Variants in LRRC66 observed in about 807,000 individuals in gnomAD.
LRRC66 encodes the protein leucine-rich repeat-containing protein 66.
LRRC66 carries 29 observed loss-of-function variants against 24.6 expected under a neutral mutation model. The observed-to-expected ratio is 1.18, with a 90% CI of 0.88 to 1.61. The LOEUF (loss-of-function observed/expected upper bound fraction) is 1.61, where lower values mean the gene tolerates loss of function less well. Among genes scored for constraint, LRRC66 ranks in the 40% most tolerant of loss-of-function variants. The probability of loss-of-function intolerance (pLI) is 0.00; values close to 1 mark genes in which losing one functional copy is unlikely to be tolerated. For missense variants in LRRC66, 1,124 were observed against 1,058.0 expected, an observed-to-expected ratio of 1.06 and a Z score of -0.87; for synonymous variants, 411 against 397.6, an observed-to-expected ratio of 1.03 and a Z score of -0.40.
intron 2 of LRRC66, among the ~76,000 whole-genome samples, chr4:52,011,863 T>C (rs1736712404): frequency 6.6e-6 from 1 of 152,058 alleles, no homozygotes; most frequent in African/African-American, 2.4e-5. Flanking sequence ...AACAAGTAAA[T>C]AGTGTAATAT....
intron 2 of LRRC66, among the ~76,000 whole-genome samples, chr4:52,004,302 C>T (rs1736526649): frequency 6.6e-6 from 1 of 152,332 alleles, no homozygotes; most frequent in Non-Finnish European, 1.5e-5. Flanking sequence ...GCCGCCACAC[C>T]CGGTTGTCTT....
At position 51,994,806 on chromosome 4, in the gene LRRC66, C is replaced by T; in HGVS notation, c.2216G>A (p.Ser739Asn). 6.2e-7 allele frequency: 1 copy of T among 1,614,214 alleles called. No individual in the cohort carries two copies. The highest frequency in any genetic ancestry group is 8.5e-7 in the Non-Finnish European group (1 of 1,180,028). ...VPDEESLQDE[S>N]SGASKDNVTA... ...CACATTGTCCTTGCTTGCCCCTGAG[C>T]TCTCGTCCTGCAGGGACTCCTCATC... Residue 739 changes from serine (S) to asparagine (N), a missense_variant, in exon 5 of 5, where the codon AGC (serine) becomes AAC (asparagine). Ser to Asn is a conservative substitution (Grantham distance 46). Coordinates refer to ENST00000682860, the MANE Select transcript of LRRC66 (RefSeq NM_001024611.3).
At chr4:52,001,821 C>T (rs1736453967) in intron 3 of LRRC66, among the ~76,000 whole-genome samples, 1 of 152,194 alleles carries the variant, frequency 6.6e-6, no homozygotes. Flanking sequence ...GGAGGCTTAT[C>T]TTGCAGCTAT....
intron 3 of LRRC66, 122 bp downstream of exon 3, chr4:52,003,095 TAGACTA>T: frequency 2.8e-6 from 2 of 709,258 alleles, no homozygotes; most frequent in Non-Finnish European, 4.4e-6. Context: ...GATCTTAAAA[TAGACTA>T]ACAGTTTTTG....
chr4:52,006,189 T>C (rs1578115511), intron 2 of LRRC66, among the ~76,000 whole-genome samples: 2 of 152,202 alleles, frequency 1.3e-5, no homozygotes, highest in South Asian at 4.2e-4. Flanking sequence ...GACCCAGCCA[T>C]CCCATTACTG....
At chr4:52,017,797 C>T in intron 1 of LRRC66, 179 bp from the exon 2 acceptor site, 1 of 985,236 alleles carries the variant, frequency 1.0e-6, no homozygotes, top group Non-Finnish European at 1.2e-6. Flanking sequence ...AATGAAATAG[C>T]CATAGTATAA....
chr4:52,000,576 A>C (rs945632670), intron 3 of LRRC66, among the ~76,000 whole-genome samples: 2 of 152,202 alleles, frequency 1.3e-5, no homozygotes, highest in Admixed American at 6.5e-5. Flanking sequence ...AAGAATTATA[A>C]TGTTCTTGCT....
In LRRC66 at chr4:51,995,432, C is replaced by T. The variant is rs1347436588; in HGVS notation, c.1590G>A (p.Arg530=). The change falls in exon 5 of 5, where the codon AGG becomes AGA. Residue 530 remains arginine (R), a synonymous_variant. Coordinates refer to ENST00000682860, the MANE Select transcript of LRRC66 (RefSeq NM_001024611.3). ...LMSAAQDHIH[R]NDILGEWTYE... is the part of the protein sequence containing the mutation. ...AAGTCCATTCTCCGAGAATATCATT[C>T]CTATGGATGTGGTCCTGCGCTGCTG... is the stretch of plus-strand genomic sequence containing the variant. 1.2e-6 allele frequency: 2 copies of T among 1,614,032 alleles called. No homozygotes were observed. Among genetic ancestry groups the T allele is most frequent in the African/African-American group, 1.3e-5 (1 of 74,918 alleles).
intron 3 of LRRC66, 51 bp from the exon 4 acceptor site, chr4:51,997,988 A>G: frequency 1.3e-6 from 2 of 1,484,670 alleles, no homozygotes; most frequent in South Asian, 1.2e-5. Context: ...AGACATTTAC[A>G]GATAAAATAA....
Position 51,994,851 on chromosome 4 carries a change from T to A in LRRC66, c.2171A>T (p.Lys724Met). The A allele has an allele frequency of 6.2e-7, 1 of 1,614,234 alleles. No individual in the cohort carries two copies. The highest frequency in any genetic ancestry group is 8.5e-7 in the Non-Finnish European group (1 of 1,180,050). ...CTCATCAGGCACTGCCTCTTCAGTC[T>A]TGCTCCTTGCACTCTCTGAACTTAT... ...SSISSESARSKTEEAVPDEES... is the reference protein window; with the variant it reads ...SSISSESARSMTEEAVPDEES... The change falls in exon 5 of 5, where the codon AAG becomes ATG. Residue 724 changes from lysine (K) to methionine (M), a missense_variant. Physicochemically the swap from Lys to Met is moderately conservative, Grantham distance 95 (BLOSUM62 -1). Coordinates refer to ENST00000682860, the MANE Select transcript of LRRC66 (RefSeq NM_001024611.3).
rs777013005 is a variant in LRRC66, at chr4:51,995,291, G to T, written c.1731C>A (p.Asp577Glu). 5.0e-6 allele frequency: 8 copies of T among 1,614,194 alleles called. No individual in the cohort carries two copies. The Admixed American group carries it at 1.0e-4, about 20-fold the overall frequency. The part of the protein sequence containing the change: ...GSSRYDSNEL[D>E]PSLSGEITAS... Reference sequence around the variant, plus strand: ...CTGTTATTTCTCCGGAGAGGGAAGGGTCTAATTCATTGGAATCATAACGGC... The same window carrying T: ...CTGTTATTTCTCCGGAGAGGGAAGGTTCTAATTCATTGGAATCATAACGGC... The change falls in exon 5 of 5, where the codon GAC becomes GAA. Residue 577 changes from aspartate to glutamate, a missense_variant. By Grantham distance (45) the Asp-to-Glu change is conservative (BLOSUM62 2). Transcript: ENST00000682860.
At chr4:52,004,884 T>C (rs1006838889) in intron 2 of LRRC66, among the ~76,000 whole-genome samples, 2 of 152,226 alleles carry the variant, frequency 1.3e-5, no homozygotes, top group African/African-American at 4.8e-5. Flanking sequence ...AGGACAAGTA[T>C]GGACAGCATA....
chr4:52,017,673 C>A, intron 1 of LRRC66, 55 bp from the exon 2 acceptor site: 1 of 1,428,622 alleles, frequency 7.0e-7, no homozygotes, highest in Non-Finnish European at 9.1e-7. Flanking sequence ...AAACTAACAG[C>A]AATAAGCAGC....
chr4:51,998,266 A>T (rs1736369380), intron 3 of LRRC66, among the ~76,000 whole-genome samples: 1 of 152,212 alleles, frequency 6.6e-6, no homozygotes, highest in Admixed American at 6.5e-5. Flanking sequence ...TGTACTGTTA[A>T]ATAAAACCTA....
In LRRC66 at chr4:51,996,106, G is replaced by C; in HGVS notation, c.916C>G (p.Pro306Ala). ...QSRISRETRL[P>A]PIHLHRMKSL... ...TTCATGCGATGCAGATGAATGGGAGGAAGGCGGGTTTCCCTGGAAATCCTG... is the reference window on the plus strand; with the variant it reads ...TTCATGCGATGCAGATGAATGGGAGCAAGGCGGGTTTCCCTGGAAATCCTG... Residue 306 changes from proline to alanine, a missense_variant, in exon 5 of 5, where the codon CCT becomes GCT. By Grantham distance (27) the Pro-to-Ala change is conservative. Transcript: ENST00000682860. 2 of 1,614,076 alleles carry C rather than the reference G, an allele frequency of 1.2e-6. No individual in the cohort carries two copies. The highest frequency in any genetic ancestry group is 2.7e-5 in the African/African-American group (2 of 75,026).
At position 52,017,624 on chromosome 4, in the gene LRRC66, A is replaced by G. The variant is rs1213880066; in HGVS notation, c.-5-6T>C. Reference sequence around the variant, plus strand: ...ATAGAGGTTTTTCATAATGCCTGGAAAAAGGAAAATGAATTGACTTATTCA... The same window carrying G: ...ATAGAGGTTTTTCATAATGCCTGGAGAAAGGAAAATGAATTGACTTATTCA... On this transcript the variant is annotated splice_region_variant and splice_polypyrimidine_tract_variant and intron_variant, in intron 1 of 4. Coordinates refer to ENST00000682860, the MANE Select transcript of LRRC66 (RefSeq NM_001024611.3). 1 of 1,530,814 alleles carries G rather than the reference A, an allele frequency of 6.5e-7. No homozygotes were observed. Among genetic ancestry groups the G allele is most frequent in the Non-Finnish European group, 8.7e-7 (1 of 1,149,722 alleles). The allele number at this position is 1,530,814 out of a possible 1,614,324, so 94.8% of individuals were successfully genotyped here.
chr4:51,994,619 G>GC lies in LRRC66; in HGVS notation c.2402dup (p.Leu802ProfsTer11). 6.2e-7 allele frequency: 1 copy of GC among 1,614,192 alleles called. No individual in the cohort carries two copies. Among genetic ancestry groups the GC allele is most frequent in the Non-Finnish European group, 8.5e-7 (1 of 1,180,024 alleles). ...CTGGTGACCTGGGCCAGGGTGACAG[G>GC]CCCTCAGATCTATCAGTGTCAGAGG... On this transcript the variant is annotated frameshift_variant, in exon 5 of 5. Coordinates refer to ENST00000682860, the MANE Select transcript of LRRC66 (RefSeq NM_001024611.3). LOFTEE classifies it low-confidence loss of function (END_TRUNC).
At chr4:51,997,554 A>G (rs561381809) in intron 4 of LRRC66, among the ~76,000 whole-genome samples, 194 bp downstream of exon 4, 1 of 152,364 alleles carries the variant, frequency 6.6e-6, no homozygotes, top group East Asian at 1.9e-4. Flanking sequence ...CCACATGAAG[A>G]AAATAATTGA....
In LRRC66 at chr4:52,017,371, T is replaced by C; in HGVS notation, c.243A>G (p.Lys81=). The change falls in exon 2 of 5, where the codon AAA becomes AAG. Residue 81 remains lysine, a synonymous_variant. Transcript: ENST00000682860. ...FFRVLLQSHT[K]KEEWKIKHLD... Reference sequence around the variant, plus strand: ...GATGTTTTATTTTCCACTCTTCTTTTTTCGTGTGAGACTGTAAGAGAACTC... The same window carrying C: ...GATGTTTTATTTTCCACTCTTCTTTCTTCGTGTGAGACTGTAAGAGAACTC... 6.2e-7 allele frequency: 1 copy of C among 1,614,188 alleles called. No individual in the cohort carries two copies.
Sources: gnomAD v4.1 joint callset for allele counts (sites outside exome capture counted in the v4.1 genomes callset) on GRCh38, gnomAD v4.1.1 for gene constraint, MANE v1.5 for transcripts, NCBI Gene and HGNC (gene_info 2026-07-23, HGNC 2026-07-21) for gene names.